MIPOL1: variants seen among roughly 807,000 people sequenced by gnomAD.
MIPOL1 encodes the protein mirror-image polydactyly 1.
Under a neutral mutation model 60.9 loss-of-function variants are expected in MIPOL1, and 57 were observed. That is an observed-to-expected ratio of 0.94 (90% CI 0.76 to 1.17). The LOEUF (loss-of-function observed/expected upper bound fraction) is 1.17, where lower values mean the gene tolerates loss of function less well. Ranked by LOEUF, MIPOL1 falls within the 50% of genes most tolerant of loss-of-function variation. MIPOL1 has a pLI of 0.00. For missense variants in MIPOL1, 551 were observed against 511.6 expected (o/e 1.08, Z -0.74); for synonymous variants, 179 against 168.8 (o/e 1.06, Z -0.47).
intron 12 of MIPOL1, among the ~76,000 whole-genome samples, chr14:37,524,798 G>A (rs1019397970): frequency 2.0e-5 from 3 of 151,794 alleles, no homozygotes; most frequent in Admixed American, 6.6e-5. Flanking sequence ...TTGAACTCCC[G>A]ACCTCGTGAT....
chr14:37,465,123 G>A (rs2094583123), intron 11 of MIPOL1, among the ~76,000 whole-genome samples: 1 of 152,092 alleles, frequency 6.6e-6, no homozygotes, highest in Non-Finnish European at 1.5e-5. Flanking sequence ...ATGTCTTCAG[G>A]AGGCATAAAC....
chr14:37,264,262 A>G (rs960059568), intron 3 of MIPOL1, among the ~76,000 whole-genome samples: 7 of 152,126 alleles, frequency 4.6e-5, no homozygotes, highest in African/African-American at 1.7e-4. Flanking sequence ...ATAGAGCAGT[A>G]TCTTAAAATT....
chr14:37,474,429 T>A (rs2153592486), intron 11 of MIPOL1, among the ~76,000 whole-genome samples: 1 of 152,234 alleles, frequency 6.6e-6, no homozygotes, highest in Non-Finnish European at 1.5e-5. Context: ...ATTTTTACCA[T>A]GGTGTTCTCG....
intron 9 of MIPOL1, among the ~76,000 whole-genome samples, chr14:37,318,704 T>A (rs2088203820): frequency 6.6e-6 from 1 of 152,196 alleles, no homozygotes; most frequent in South Asian, 2.1e-4. Context: ...CTTTTTTCAA[T>A]ACATATTGTA....
At chr14:37,323,331 C>CTA (rs911996958) in intron 9 of MIPOL1, among the ~76,000 whole-genome samples, 3 of 152,034 alleles carry the variant, frequency 2.0e-5, no homozygotes, top group African/African-American at 7.2e-5. Flanking sequence ...TTCCATTGGT[C>CTA]TATATATATG....
At chr14:37,523,826 T>C (rs2095429421) in intron 12 of MIPOL1, among the ~76,000 whole-genome samples, 1 of 152,078 alleles carries the variant, frequency 6.6e-6, no homozygotes, top group Non-Finnish European at 1.5e-5. Flanking sequence ...TGAGGAAAAA[T>C]TCCTAGGAAT....
chr14:37,258,440 G>T (rs1273347829), intron 3 of MIPOL1, among the ~76,000 whole-genome samples: 2 of 151,986 alleles, frequency 1.3e-5, no homozygotes, highest in Non-Finnish European at 2.9e-5. Context: ...AAGAAATTTT[G>T]AGAAAGGCTG....
intron 9 of MIPOL1, among the ~76,000 whole-genome samples, chr14:37,366,534 T>G (rs1247464655): frequency 6.6e-6 from 1 of 152,086 alleles, no homozygotes; most frequent in Non-Finnish European, 1.5e-5. Context: ...ATTTCAGTTT[T>G]TTTAATGTTT....
intron 6 of MIPOL1, among the ~76,000 whole-genome samples, chr14:37,274,685 C>T (rs943642080): frequency 1.3e-5 from 2 of 151,434 alleles, no homozygotes; most frequent in Non-Finnish European, 3.0e-5. Flanking sequence ...CTTTTTGACA[C>T]TTATCATGTG....
intron 3 of MIPOL1, among the ~76,000 whole-genome samples, chr14:37,256,862 A>G (rs1401247676): frequency 6.6e-6 from 1 of 151,932 alleles, no homozygotes; most frequent in African/African-American, 2.4e-5. Flanking sequence ...AAGTCATTTG[A>G]AATGAACACA....
intron 12 of MIPOL1, among the ~76,000 whole-genome samples, chr14:37,531,110 G>T (rs112391294): frequency 6.6e-6 from 1 of 152,042 alleles, no homozygotes; most frequent in African/African-American, 2.4e-5. Flanking sequence ...GAACCACCGC[G>T]CCCAGCCAGA....
chr14:37,290,806 A>T (rs1190242840), intron 7 of MIPOL1, among the ~76,000 whole-genome samples: 1 of 151,914 alleles, frequency 6.6e-6, no homozygotes, highest in Non-Finnish European at 1.5e-5. Context: ...TTATTTCATC[A>T]CCCCAGTATT....
intron 12 of MIPOL1, among the ~76,000 whole-genome samples, chr14:37,541,388 C>T (rs962084079): frequency 4.6e-5 from 7 of 152,288 alleles, no homozygotes; most frequent in South Asian, 2.1e-4. Flanking sequence ...TCGTCTTTTT[C>T]ACCCTACTGC....
chr14:37,219,519 CA>C (rs1467972569), intron 1 of MIPOL1: 1 of 152,206 alleles, frequency 6.6e-6, no homozygotes, highest in Admixed American at 6.6e-5. Context: ...CGTGTGCCAC[CA>C]TGCCTGCCTA....
intron 7 of MIPOL1, among the ~76,000 whole-genome samples, chr14:37,302,243 A>G (rs1018288993): frequency 1.4e-5 from 2 of 142,770 alleles, no homozygotes; most frequent in Admixed American, 7.4e-5. Context: ...CAAGGAATAT[A>G]CAAGCATTTG....
intron 9 of MIPOL1, among the ~76,000 whole-genome samples, chr14:37,340,821 C>T (rs1039084259): frequency 3.3e-5 from 5 of 152,024 alleles, no homozygotes; most frequent in African/African-American, 9.7e-5. Context: ...ACAAAAATGT[C>T]CTAGGCCTTC....
chr14:37,489,742 C>A (rs934916412), intron 11 of MIPOL1, among the ~76,000 whole-genome samples: 1 of 152,178 alleles, frequency 6.6e-6, no homozygotes, highest in East Asian at 1.9e-4. Flanking sequence ...GCTGGAGGTC[C>A]ACTCTAGACC....
intron 12 of MIPOL1, among the ~76,000 whole-genome samples, chr14:37,522,831 C>G (rs781648769): frequency 6.6e-6 from 1 of 151,862 alleles, no homozygotes; most frequent in African/African-American, 2.4e-5. Context: ...TGTTTGCATC[C>G]TAGGAATACA....
intron 3 of MIPOL1, among the ~76,000 whole-genome samples, chr14:37,261,955 A>G (rs1432250341): frequency 1.3e-5 from 2 of 152,188 alleles, no homozygotes; most frequent in East Asian, 3.9e-4. Flanking sequence ...AGTGGTTAGA[A>G]CACTTGGATG....
Sources: gnomAD v4.1 joint callset for allele counts (sites outside exome capture counted in the v4.1 genomes callset) on GRCh38, gnomAD v4.1.1 for gene constraint, MANE v1.5 for transcripts, NCBI Gene and HGNC (gene_info 2026-07-23, HGNC 2026-07-21) for gene names.